Variants in C4orf51 observed in about 807,000 individuals in gnomAD.
The protein encoded by C4orf51 is uncharacterized protein C4orf51.
Under a neutral mutation model 25.2 loss-of-function variants are expected in C4orf51, and 25 were observed. The ratio of observed to expected loss-of-function variants is 0.99; its 90% CI spans 0.72 to 1.39. The LOEUF (loss-of-function observed/expected upper bound fraction) is 1.39. Among genes scored for constraint, C4orf51 ranks in the 40% most tolerant of loss-of-function variants. The pLI, the probability that C4orf51 is intolerant of heterozygous loss-of-function variation, is 0.00. For synonymous variants in C4orf51, 100 were observed against 84.5 expected (o/e 1.18, Z -1.01); for missense variants, 252 against 239.6 (o/e 1.05, Z -0.34).
chr4:145,709,682 A>C (rs771990537), intron 2 of C4orf51, among the ~76,000 whole-genome samples: 3 of 152,228 alleles, frequency 2.0e-5, no homozygotes, highest in Non-Finnish European at 4.4e-5. Flanking sequence ...AGGCAGCATC[A>C]GTTTTTTGGG....
chr4:145,747,505 T>C (rs139813930), intron 1 of C4orf51, among the ~76,000 whole-genome samples: 15 of 152,196 alleles, frequency 9.9e-5, no homozygotes, highest in African/African-American at 3.6e-4. Flanking sequence ...ATTACATTGA[T>C]TGATTTGCAT....
chr4:145,780,415 T>C, the C4orf51 span, among the ~76,000 whole-genome samples: 2 of 152,186 alleles, frequency 1.3e-5, no homozygotes, highest in Admixed American at 6.5e-5. Flanking sequence ...AATTCCCTAA[T>C]GCAAGAATGA....
intron 2 of C4orf51, among the ~76,000 whole-genome samples, chr4:145,712,518 C>T (rs1731186158): frequency 6.6e-6 from 1 of 152,128 alleles, no homozygotes; most frequent in Non-Finnish European, 1.5e-5. Context: ...AAAGCCTAAT[C>T]CAGAGAAAGG....
intron 1 of C4orf51, among the ~76,000 whole-genome samples, chr4:145,753,601 A>T (rs1362168728): frequency 6.6e-6 from 1 of 152,190 alleles, no homozygotes; most frequent in Non-Finnish European, 1.5e-5. Flanking sequence ...TGCACAGAGA[A>T]GATGTCAGAC....
intron 1 of C4orf51, among the ~76,000 whole-genome samples, chr4:145,681,556 T>C (rs1360432815): frequency 6.6e-6 from 1 of 152,188 alleles, no homozygotes; most frequent in African/African-American, 2.4e-5. Flanking sequence ...GGTAGTGAAG[T>C]TGTCTTAGTC....
At chr4:145,724,880 CAA>C (rs1222983724) in intron 2 of C4orf51, among the ~76,000 whole-genome samples, 8,059 of 68,022 alleles carry the variant, frequency 0.12, 103 homozygotes, top group Non-Finnish European at 0.13. Context: ...AAGACTGTCT[CAA>C]AAAAAAAAAA....
intron 2 of C4orf51, among the ~76,000 whole-genome samples, chr4:145,700,747 T>G (rs553896763): frequency 5.5e-4 from 83 of 152,150 alleles, no homozygotes; most frequent in African/African-American, 1.9e-3. Context: ...CGCTGAGTCT[T>G]TCTAATCTTC....
At chr4:145,750,919 T>C (rs572519043) in intron 1 of C4orf51, among the ~76,000 whole-genome samples, 77 of 152,282 alleles carry the variant, frequency 5.1e-4, no homozygotes, top group Non-Finnish European at 9.7e-4. Flanking sequence ...TGATCAATTC[T>C]GCTGTTAAGA....
intron 2 of C4orf51, among the ~76,000 whole-genome samples, chr4:145,722,963 C>A (rs1363888840): frequency 6.6e-6 from 1 of 152,170 alleles, no homozygotes; most frequent in Non-Finnish European, 1.5e-5. Context: ...CATCTAATTA[C>A]AGGAAAACAA....
chr4:145,715,160 G>T (rs569631755), intron 2 of C4orf51, among the ~76,000 whole-genome samples: 1 of 152,320 alleles, frequency 6.6e-6, no homozygotes, highest in East Asian at 1.9e-4. Flanking sequence ...GTACCCATGG[G>T]CCAGTTGGGG....
intron 1 of C4orf51, among the ~76,000 whole-genome samples, chr4:145,693,530 T>C (rs1388478918): frequency 6.6e-6 from 1 of 151,886 alleles, no homozygotes; most frequent in Non-Finnish European, 1.5e-5. Flanking sequence ...CCTGGCCCGT[T>C]CTCAATGAGC....
chr4:145,765,694 A>C lies in C4orf51; in HGVS notation n.167-5294A>C. On this transcript the variant is annotated intron_variant and non_coding_transcript_variant, in intron 1 of 1. Coordinates refer to the C4orf51 transcript ENST00000510096. The surrounding 1 kb of genome is among the most constrained non-coding windows in gnomAD (Gnocchi z 4.7). ...GAATCACTCAGAGCTGAGAGGGAGG[A>C]TGAAGAGGGGCTATTTGATTCGCTG... The C allele has an allele frequency of 1.9e-6, 3 of 1,614,080 alleles. No homozygotes were observed. Among genetic ancestry groups the C allele is most frequent in the Non-Finnish European group, 2.5e-6 (3 of 1,179,998 alleles).
intron 2 of C4orf51, among the ~76,000 whole-genome samples, chr4:145,725,755 G>A (rs1401114427): frequency 2.0e-5 from 3 of 152,080 alleles, no homozygotes; most frequent in Non-Finnish European, 4.4e-5. Context: ...AAGTAGATGA[G>A]TGGTTTTCTA....
chr4:145,754,763 C>T (rs6419330), downstream of C4orf51, among the ~76,000 whole-genome samples: 101,034 of 151,956 alleles, frequency 0.66, 33,854 homozygotes, highest in East Asian at 0.84. Context: ...GGTGAAACTG[C>T]GTCTCTACTA....
At chr4:145,786,056 G>C in the C4orf51 span, among the ~76,000 whole-genome samples, 1 of 152,094 alleles carries the variant, frequency 6.6e-6, no homozygotes, top group Non-Finnish European at 1.5e-5. Flanking sequence ...AGGTAAACAT[G>C]GTATTACTGA....
In C4orf51 at chr4:145,765,817, A is replaced by G; in HGVS notation, n.167-5171A>G. On this transcript the variant is annotated intron_variant and non_coding_transcript_variant, in intron 1 of 1. Transcript: ENST00000510096. This position sits in a 1 kb window ranked among gnomAD's most constrained non-coding sequence, Gnocchi z 4.7. ...TATAGCAACTGAGGGTGACGAGTTGAGTCTCATGGATGCATCATCATTCTG... is the reference window on the plus strand; with the variant it reads ...TATAGCAACTGAGGGTGACGAGTTGGGTCTCATGGATGCATCATCATTCTG... The G allele has an allele frequency of 1.4e-6, 2 of 1,431,250 alleles. No homozygotes were observed. The highest frequency in any genetic ancestry group is 1.9e-6 in the Non-Finnish European group (2 of 1,048,050). 88.7% of individuals were successfully genotyped at this position (1,431,250 alleles called of 1,614,324 possible). A position where few individuals can be genotyped will look rare whatever the true frequency, so the allele number is the denominator to read the frequency against.
At chr4:145,688,419 T>C (rs1729316309) in intron 1 of C4orf51, among the ~76,000 whole-genome samples, 1 of 152,160 alleles carries the variant, frequency 6.6e-6, no homozygotes, top group African/African-American at 2.4e-5. Flanking sequence ...TATCCAATTG[T>C]AATTTTCACA....
intron 2 of C4orf51, among the ~76,000 whole-genome samples, chr4:145,721,275 G>A (rs191485274): frequency 4.0e-5 from 6 of 151,616 alleles, no homozygotes; most frequent in South Asian, 2.1e-4. Context: ...AACCTGGGAG[G>A]TGGAGCTTGC....
chr4:145,731,520 C>T (rs1579005956), intron 5 of C4orf51, among the ~76,000 whole-genome samples: 1 of 134,818 alleles, frequency 7.4e-6, no homozygotes, highest in Non-Finnish European at 1.6e-5. Context: ...GAGTCCTGAG[C>T]AAAAAAATAA....
Sources: gnomAD v4.1 joint callset for allele counts (sites outside exome capture counted in the v4.1 genomes callset) on GRCh38, gnomAD v4.1.1 for gene constraint, Gnocchi (gnomAD v3.1) non-coding constraint, MANE v1.5 for transcripts, NCBI Gene and HGNC (gene_info 2026-07-23, HGNC 2026-07-21) for gene names.